Variants in TAMM41 observed in about 807,000 individuals in gnomAD.
TAMM41 encodes TAM41 mitochondrial translocator assembly and maintenance homolog.
In TAMM41, 36 loss-of-function variants were observed where a neutral mutation model predicts 44.1. The observed-to-expected ratio is 0.82, with a 90% CI of 0.63 to 1.08. TAMM41 has a LOEUF of 1.08. Ranked by LOEUF, TAMM41 falls within the 50% of genes least tolerant of loss-of-function variation. The pLI, the probability that TAMM41 is intolerant of heterozygous loss-of-function variation, is 0.00. For synonymous variants in TAMM41, 164 were observed against 153.1 expected (o/e 1.07, Z -0.53); for missense variants, 417 against 404.3 (o/e 1.03, Z -0.27).
At chr3:11,724,089 A>T in the TAMM41 span, among the ~76,000 whole-genome samples, 1 of 150,858 alleles carries the variant, frequency 6.6e-6, no homozygotes, top group African/African-American at 2.4e-5. Flanking sequence ...TTATTTTTAT[A>T]TTTTTATTTA....
In TAMM41 at chr3:11,809,693, G is replaced by GA. The variant is rs762089221; in HGVS notation, c.709-12dup. ...TGGGCTTTTATCTATCTGAAGGGAG[G>GA]AAAAAAAAGACGACGTCTATGGAAG... On this transcript the variant is annotated splice_polypyrimidine_tract_variant and intron_variant, in intron 5 of 7. Transcript: ENST00000455809. The GA allele has an allele frequency of 1.1e-4, 175 of 1,583,200 alleles. 1 individual carries two copies. The highest frequency in any genetic ancestry group is 1.7e-4 in the Middle Eastern group (1 of 5,916).
At chr3:11,731,604 C>T in the TAMM41 span, among the ~76,000 whole-genome samples, 1 of 152,228 alleles carries the variant, frequency 6.6e-6, no homozygotes, top group African/African-American at 2.4e-5. Context: ...GTTTGGGTCC[C>T]AAATAAATGA....
chr3:11,830,941 T>C (rs2078960742), intron 3 of TAMM41: 1 of 151,914 alleles, frequency 6.6e-6, no homozygotes, highest in Admixed American at 6.6e-5. Flanking sequence ...TTTTAAAGAT[T>C]GCACTGCAGT....
At chr3:11,813,152 A>G (rs531410284) in intron 5 of TAMM41, among the ~76,000 whole-genome samples, 24 of 152,300 alleles carry the variant, frequency 1.6e-4, no homozygotes, top group African/African-American at 5.3e-4. Flanking sequence ...CAGACACATT[A>G]TACTTCCCTG....
chr3:11,794,059 C>T (rs1042745997), intron 7 of TAMM41, among the ~76,000 whole-genome samples: 24 of 152,236 alleles, frequency 1.6e-4, no homozygotes, highest in African/African-American at 5.8e-4. Context: ...GCTAGGGATA[C>T]TGGTACAGAT....
the TAMM41 span, among the ~76,000 whole-genome samples, chr3:11,783,124 A>C: frequency 6.6e-6 from 1 of 152,194 alleles, no homozygotes; most frequent in South Asian, 2.1e-4. Context: ...AAAGAATCTC[A>C]CTGAGCACAT....
chr3:11,736,793 C>G, the TAMM41 span, among the ~76,000 whole-genome samples: 2 of 152,044 alleles, frequency 1.3e-5, no homozygotes, highest in Non-Finnish European at 2.9e-5. Context: ...GTTTGGCTCC[C>G]AAGTGTCTGG....
At chr3:11,833,296 G>T (rs116440147) in intron 3 of TAMM41, 3 of 485,864 alleles carry the variant, frequency 6.2e-6, no homozygotes, top group East Asian at 1.2e-4. Flanking sequence ...TGGCTTAAAG[G>T]GACTTTCAAA....
the TAMM41 span, among the ~76,000 whole-genome samples, chr3:11,767,625 C>CCTTTTTTTTTTTTTTTTTTTT: frequency 7.2e-5 from 2 of 27,910 alleles, no homozygotes; most frequent in African/African-American, 2.7e-4. Flanking sequence ...ACACGTTGTG[C>CCTTTTTTTTTTTTTTTTTTTT]ATTTTTTTTT....
At chr3:11,758,238 G>A in the TAMM41 span, among the ~76,000 whole-genome samples, 6 of 152,354 alleles carry the variant, frequency 3.9e-5, no homozygotes, top group African/African-American at 7.2e-5. Flanking sequence ...GCTGGAGGCC[G>A]AAGTGAGCTG....
the TAMM41 span, among the ~76,000 whole-genome samples, chr3:11,744,178 C>CT: frequency 1.7e-4 from 26 of 152,046 alleles, no homozygotes; most frequent in Non-Finnish European, 1.5e-5. Flanking sequence ...AGTGATTCTC[C>CT]TGCTTCAGCC....
chr3:11,729,539 ATTTTTTTTTTTTT>A, the TAMM41 span, among the ~76,000 whole-genome samples: 22 of 32,290 alleles, frequency 6.8e-4, 1 homozygote, highest in East Asian at 3.2e-3. Context: ...TCTTTCTTTC[ATTTTTTTTTTTTT>A]TTTTTTTTTT....
the TAMM41 span, among the ~76,000 whole-genome samples, chr3:11,754,174 T>C: frequency 6.6e-6 from 1 of 152,028 alleles, no homozygotes; most frequent in African/African-American, 2.4e-5. Context: ...CCTCTGTCTG[T>C]ATATCCTGTG....
chr3:11,829,023 T>G (rs2221072), intron 4 of TAMM41, among the ~76,000 whole-genome samples: 2 of 152,094 alleles, frequency 1.3e-5, no homozygotes, highest in Admixed American at 6.6e-5. Context: ...AAAAGATAGA[T>G]GGGGGCTCCT....
chr3:11,740,656 C>T, the TAMM41 span, among the ~76,000 whole-genome samples: 1 of 151,802 alleles, frequency 6.6e-6, no homozygotes, highest in Non-Finnish European at 1.5e-5. Context: ...GATCTTGGCT[C>T]ACCACAACCT....
In TAMM41 at chr3:11,839,178, G is replaced by C. The variant is rs375162369; in HGVS notation, c.411+44C>G. 14 of 1,272,982 alleles carry C rather than the reference G, an allele frequency of 1.1e-5. No individual in the cohort carries two copies. The African/African-American group carries it at 2.1e-4, about 19-fold the overall frequency. 78.9% of individuals were successfully genotyped at this position (1,272,982 alleles called of 1,614,324 possible). A position where few individuals can be genotyped will look rare whatever the true frequency, so the allele number is the denominator to read the frequency against. On this transcript the variant is annotated intron_variant, in intron 3 of 7. Transcript: ENST00000455809. The stretch of plus-strand genomic sequence containing the variant: ...AATGATCAAAGTAAGGTTAGGCTCA[G>C]AGAGGAAAGGCATCCTTAACTGTGC...
intron 5 of TAMM41, chr3:11,810,792 A>T (rs982866263): frequency 1.3e-5 from 2 of 152,182 alleles, no homozygotes; most frequent in Non-Finnish European, 2.9e-5. Flanking sequence ...GGCCAGGAGC[A>T]CAGGTTCACA....
At chr3:11,725,454 C>CTCCTCCTCCTT in the TAMM41 span, among the ~76,000 whole-genome samples, 1 of 137,722 alleles carries the variant, frequency 7.3e-6, no homozygotes, top group African/African-American at 2.8e-5. Flanking sequence ...TCCTCCTCCT[C>CTCCTCCTCCTT]CTTCTTCTTC....
chr3:11,767,643 T>TTTTTTTTTTTTTTTTTTTTTTTTTTTA, the TAMM41 span, among the ~76,000 whole-genome samples: 1 of 138,938 alleles, frequency 7.2e-6, no homozygotes, highest in African/African-American at 2.7e-5. Context: ...TTTTTTTTTT[T>TTTTTTTTTTTTTTTTTTTTTTTTTTTA]GAGACAGAGT....
Sources: allele counts gnomAD v4.1 joint callset (sites outside exome capture counted in the v4.1 genomes callset), GRCh38; gene constraint gnomAD v4.1.1; transcripts MANE v1.5; gene names NCBI Gene and HGNC (gene_info 2026-07-23, HGNC 2026-07-21).